The following KCNQ2 variants were observed in gnomAD, a reference collection of about 807,000 sequenced individuals.
KCNQ2 encodes the protein potassium voltage-gated channel subfamily Q member 2.
A neutral mutation model predicts 84.8 loss-of-function variants in KCNQ2; 14 were observed. The observed-to-expected ratio is 0.17, with a 90% CI of 0.11 to 0.26. KCNQ2 has a LOEUF of 0.26. KCNQ2 is among the 10% of genes least tolerant of loss of function. The pLI, the probability that KCNQ2 is intolerant of heterozygous loss-of-function variation, is 1.00. For synonymous variants in KCNQ2, 599 were observed against 554.1 expected (o/e 1.08, Z -1.14); for missense variants, 788 against 1,254.0 (o/e 0.63, Z 5.61).
At chr20:63,472,144 A>T in intron 1 of KCNQ2, 24 bp downstream of exon 1, 1 of 1,470,828 alleles carries the variant, frequency 6.8e-7, no homozygotes, top group Non-Finnish European at 9.0e-7. Flanking sequence ...GGGGGTCGCC[A>T]CGGGGGCCCC....
At chr20:63,412,411 C>G (rs1042584940) in intron 15 of KCNQ2, among the ~76,000 whole-genome samples, 1 of 152,266 alleles carries the variant, frequency 6.6e-6, no homozygotes, top group Non-Finnish European at 1.5e-5. Flanking sequence ...CACACGCACA[C>G]GCACACGCAG....
chr20:63,439,610 G>A lies in KCNQ2; in HGVS notation c.915C>T (p.Phe305=), dbSNP rs775918190. 1.9e-5 allele frequency: 30 copies of A among 1,612,760 alleles called. No homozygotes were observed. Among genetic ancestry groups the A allele is most frequent in the African/African-American group, 2.7e-5 (2 of 74,922 alleles). Residue 305 remains phenylalanine, a synonymous_variant, in exon 6 of 17, where the codon TTC becomes TTT. Transcript: ENST00000359125. ...CAGCTGGACTTACTGCAGGCAGCGC[G>A]AAGAAGGAGACACCGATGAGGGTGA... ...ATFTLIGVSF[F]ALPAGILGSG...
At chr20:63,454,587 A>G (rs1480850688) in intron 1 of KCNQ2, among the ~76,000 whole-genome samples, 1 of 152,254 alleles carries the variant, frequency 6.6e-6, no homozygotes, top group African/African-American at 2.4e-5. Flanking sequence ...CGGTCGGCCG[A>G]ACCGTGGGGA....
At chr20:63,430,225 A>C (rs542744343) in intron 9 of KCNQ2, among the ~76,000 whole-genome samples, 1 of 152,280 alleles carries the variant, frequency 6.6e-6, no homozygotes, top group South Asian at 2.1e-4. Context: ...AGGGTGCAAC[A>C]AGGGGAGGGG....
chr20:63,470,013 T>G (rs2082173562), intron 1 of KCNQ2, among the ~76,000 whole-genome samples: 1 of 152,134 alleles, frequency 6.6e-6, no homozygotes, highest in Non-Finnish European at 1.5e-5. Flanking sequence ...CCAGCAGTGG[T>G]GTTCACAAAG....
At chr20:63,467,867 G>A (rs10211695) in intron 1 of KCNQ2, among the ~76,000 whole-genome samples, 109,542 of 152,008 alleles carry the variant, frequency 0.72, 40,106 homozygotes, top group African/African-American at 0.82. Flanking sequence ...CCAGGGCGCC[G>A]GCACCTCTGG....
intron 1 of KCNQ2, among the ~76,000 whole-genome samples, chr20:63,466,160 G>A (rs927099679): frequency 6.6e-6 from 1 of 152,120 alleles, no homozygotes; most frequent in Non-Finnish European, 1.5e-5. Flanking sequence ...AAACTACCCG[G>A]CACACACAGG....
chr20:63,468,504 A>G (rs1012870854), intron 1 of KCNQ2, among the ~76,000 whole-genome samples: 1 of 152,254 alleles, frequency 6.6e-6, no homozygotes, highest in Non-Finnish European at 1.5e-5. Context: ...GGGGTGGGAA[A>G]GAGGCCCAGC....
intron 1 of KCNQ2, among the ~76,000 whole-genome samples, chr20:63,449,686 C>A (rs925541641): frequency 1.3e-5 from 2 of 151,934 alleles, no homozygotes; most frequent in African/African-American, 4.8e-5. Context: ...CTCCACAGCC[C>A]GGGAGAAGAG....
At chr20:63,463,531 CAG>C (rs1487582630) in intron 1 of KCNQ2, among the ~76,000 whole-genome samples, 2 of 152,212 alleles carry the variant, frequency 1.3e-5, no homozygotes, top group South Asian at 2.1e-4. Flanking sequence ...CACCCGCACA[CAG>C]GGGCAGAAAC....
chr20:63,419,529 C>A (rs2080401780), intron 12 of KCNQ2, 90 bp downstream of exon 12: 2 of 1,344,234 alleles, frequency 1.5e-6, no homozygotes. Context: ...GCGCCAGCCT[C>A]CCCCTGGCTC....
chr20:63,444,884 C>A lies in KCNQ2; in HGVS notation c.515-50G>T, dbSNP rs768325122. The A allele has an allele frequency of 3.9e-6, 6 of 1,524,888 alleles. No individual in the cohort carries two copies. The Admixed American group carries it at 6.3e-5, about 16-fold the overall frequency. 94.5% of individuals were successfully genotyped at this position (1,524,888 alleles called of 1,614,324 possible). On this transcript the variant is annotated intron_variant, in intron 3 of 16. Coordinates refer to ENST00000359125, the MANE Select transcript of KCNQ2 (RefSeq NM_172107.4). ...GAGCTGCTGGGCCGCTCCCCGCACC[C>A]CCTTGGAGAAAACTCCCCACCCCGC... is the stretch of plus-strand genomic sequence containing the variant.
intron 1 of KCNQ2, among the ~76,000 whole-genome samples, chr20:63,468,703 G>A (rs1413115350): frequency 6.6e-6 from 1 of 152,236 alleles, no homozygotes; most frequent in African/African-American, 2.4e-5. Flanking sequence ...GAGGCCTGGC[G>A]CAAAAGCCAG....
chr20:63,439,578 G>A lies in KCNQ2; in HGVS notation c.927+20C>T, dbSNP rs377575523. 21 of 1,582,062 alleles carry A rather than the reference G, an allele frequency of 1.3e-5. No homozygotes were observed. The African/African-American group carries it at 2.4e-4, about 18-fold the overall frequency. Reference sequence around the variant, plus strand: ...AAGACCTCGTCCCCCTCCAAGGCAGGCAGGGGCAGCTGGACTTACTGCAGG... The same window carrying A: ...AAGACCTCGTCCCCCTCCAAGGCAGACAGGGGCAGCTGGACTTACTGCAGG... On this transcript the variant is annotated intron_variant, in intron 6 of 16. Transcript: ENST00000359125.
At chr20:63,443,633 C>G (rs1312801285) in intron 4 of KCNQ2, 1 of 152,644 alleles carries the variant, frequency 6.6e-6, no homozygotes, top group Non-Finnish European at 1.5e-5. Flanking sequence ...CCACCTGCCT[C>G]CAGGAGCACT....
rs533853440 is a variant in KCNQ2, at chr20:63,414,348, C to T, written c.1526-155G>A. On this transcript the variant is annotated intron_variant, in intron 13 of 16. Coordinates refer to ENST00000359125, the MANE Select transcript of KCNQ2 (RefSeq NM_172107.4). This position sits in a 1 kb window ranked among gnomAD's most constrained non-coding sequence, Gnocchi z 6.6. ...GCACCTGCTTTTCTGGAAACCCACC[C>T]ATCTGCACCCAGCTGCTCTCGAGTC... 1.3e-5 allele frequency among the ~76,000 whole-genome samples: 2 copies of T among 152,296 alleles called. No homozygotes were observed. Among genetic ancestry groups the T allele is most frequent in the African/African-American group, 2.4e-5 (1 of 41,574 alleles).
At chr20:63,461,785 C>G (rs548571985) in intron 1 of KCNQ2, among the ~76,000 whole-genome samples, 35 of 143,126 alleles carry the variant, frequency 2.4e-4, no homozygotes, top group African/African-American at 8.5e-4. Context: ...CCCCAGGGAG[C>G]AGGGAAGAGG....
chr20:63,437,327 A>AT (rs1467753014), intron 7 of KCNQ2: 2 of 152,214 alleles, frequency 1.3e-5, no homozygotes, highest in Non-Finnish European at 2.9e-5. Context: ...TTTTCACCAC[A>AT]CGTACGTGGT....
chr20:63,401,166 C>T lies in KCNQ2; in HGVS notation c.*5478G>A, dbSNP rs915232367. On this transcript the variant is annotated 3_prime_UTR_variant, in exon 17 of 17. Transcript: ENST00000359125. ...GTGTCCAAGCCCAGAGCACACTCAA[C>T]TCCACCCCACAAACGCCTTTTAAAA... 4 of 324,746 alleles carry T rather than the reference C, an allele frequency of 1.2e-5. No homozygotes were observed. Among genetic ancestry groups the T allele is most frequent in the Non-Finnish European group, 2.2e-5 (4 of 179,278 alleles). 20.1% of individuals were successfully genotyped at this position (324,746 alleles called of 1,614,324 possible). A position where few individuals can be genotyped will look rare whatever the true frequency, so the allele number is the denominator to read the frequency against.
Sources: gnomAD v4.1 joint callset for allele counts (sites outside exome capture counted in the v4.1 genomes callset) on GRCh38, gnomAD v4.1.1 for gene constraint, Gnocchi (gnomAD v3.1) non-coding constraint, MANE v1.5 for transcripts, NCBI Gene and HGNC (gene_info 2026-07-23, HGNC 2026-07-21) for gene names.